The following KATNIP variants were observed in gnomAD, a reference collection of about 807,000 sequenced individuals.
KATNIP encodes katanin interacting protein.
KATNIP carries 126 observed loss-of-function variants against 174.0 expected under a neutral mutation model. The observed-to-expected ratio is 0.72, with a 90% confidence interval of 0.63 to 0.84. The LOEUF is 0.84. Among genes scored for constraint, KATNIP ranks in the 40% least tolerant of loss-of-function variants. The pLI, the probability that KATNIP is intolerant of heterozygous loss-of-function variation, is 0.00. For synonymous variants in KATNIP, 810 were observed against 835.7 expected, an observed-to-expected ratio of 0.97 and a Z score of 0.53; for missense variants, 1,958 against 2,109.7, an observed-to-expected ratio of 0.93 and a Z score of 1.41.
chr16:27,679,353 T>C (rs2078241376), intron 7 of KATNIP, among the ~76,000 whole-genome samples: 1 of 152,194 alleles, frequency 6.6e-6, no homozygotes, highest in Non-Finnish European at 1.5e-5. Context: ...GGAGAAGTTA[T>C]ATTGGATTAG....
intron 6 of KATNIP, among the ~76,000 whole-genome samples, chr16:27,673,822 A>G (rs1471547231): frequency 6.6e-6 from 1 of 152,174 alleles, no homozygotes; most frequent in Non-Finnish European, 1.5e-5. Context: ...AAGTCAGAGG[A>G]GGTAAGTAAC....
At chr16:27,674,142 T>C (rs1045651283) in intron 6 of KATNIP, among the ~76,000 whole-genome samples, 2 of 152,166 alleles carry the variant, frequency 1.3e-5, no homozygotes, top group African/African-American at 4.8e-5. Flanking sequence ...AATTAATTAA[T>C]TTTATTAAAT....
At chr16:27,626,236 A>G (rs1428409592) in intron 3 of KATNIP, among the ~76,000 whole-genome samples, 2 of 136,798 alleles carry the variant, frequency 1.5e-5, no homozygotes, top group Non-Finnish European at 3.1e-5. Flanking sequence ...CCATGTTTCT[A>G]TAGAGTCTTC....
chr16:27,688,377 G>C (rs1302534108), intron 8 of KATNIP, among the ~76,000 whole-genome samples: 1 of 152,184 alleles, frequency 6.6e-6, no homozygotes, highest in Non-Finnish European at 1.5e-5. Context: ...TGGATCTCCT[G>C]AGGTCAGGAG....
intron 1 of KATNIP, among the ~76,000 whole-genome samples, chr16:27,550,898 T>C (rs2089329213): frequency 6.6e-6 from 1 of 152,138 alleles, no homozygotes; most frequent in Admixed American, 6.5e-5. Context: ...GTCCCTTTAT[T>C]CCAGAGGTTG....
intron 2 of KATNIP, among the ~76,000 whole-genome samples, chr16:27,615,974 C>T (rs1413727045): frequency 6.6e-6 from 1 of 152,148 alleles, no homozygotes; most frequent in Non-Finnish European, 1.5e-5. Flanking sequence ...TACAAATGCC[C>T]TACTTGCCAT....
At chr16:27,569,234 A>C (rs564154500) in intron 1 of KATNIP, among the ~76,000 whole-genome samples, 1 of 152,216 alleles carries the variant, frequency 6.6e-6, no homozygotes, top group African/African-American at 2.4e-5. Context: ...ACATCCAAGA[A>C]GATGCGACTC....
At chr16:27,697,977 AT>A (rs1253603461) in intron 8 of KATNIP, among the ~76,000 whole-genome samples, 1 of 152,184 alleles carries the variant, frequency 6.6e-6, no homozygotes, top group Non-Finnish European at 1.5e-5. Flanking sequence ...AAGGGCATTC[AT>A]TTTACATAAC....
intron 13 of KATNIP, among the ~76,000 whole-genome samples, chr16:27,712,732 T>C (rs1256073693): frequency 6.6e-6 from 1 of 152,164 alleles, no homozygotes; most frequent in Non-Finnish European, 1.5e-5. Context: ...CCTGCCCCTC[T>C]GAGTTACTGA....
At chr16:27,624,389 C>G (rs2076275008) in intron 3 of KATNIP, among the ~76,000 whole-genome samples, 1 of 152,130 alleles carries the variant, frequency 6.6e-6, no homozygotes, top group Admixed American at 6.5e-5. Context: ...GCAGGTGATC[C>G]CAAAGGCCAA....
chr16:27,642,192 C>A (rs1296806031), intron 5 of KATNIP, among the ~76,000 whole-genome samples: 1 of 152,180 alleles, frequency 6.6e-6, no homozygotes, highest in Non-Finnish European at 1.5e-5. Context: ...GAATACTATG[C>A]AGCCATAAAA....
intron 2 of KATNIP, among the ~76,000 whole-genome samples, chr16:27,602,374 C>T (rs1050405064): frequency 6.6e-6 from 1 of 152,186 alleles, no homozygotes; most frequent in Non-Finnish European, 1.5e-5. Flanking sequence ...GTCTGTCCCA[C>T]TCCATCTCCT....
At chr16:27,693,946 A>C (rs1237478654) in intron 8 of KATNIP, among the ~76,000 whole-genome samples, 1 of 152,242 alleles carries the variant, frequency 6.6e-6, no homozygotes, top group Admixed American at 6.5e-5. Flanking sequence ...CTAGGAGCAC[A>C]GTCCCATAAG....
chr16:27,592,796 C>T (rs2075219227), intron 2 of KATNIP, among the ~76,000 whole-genome samples: 2 of 152,172 alleles, frequency 1.3e-5, no homozygotes, highest in African/African-American at 4.8e-5. Flanking sequence ...CTCAGGTGAT[C>T]CACCTGCCTC....
intron 14 of KATNIP, among the ~76,000 whole-genome samples, chr16:27,729,558 C>T (rs1406336389): frequency 1.3e-5 from 2 of 152,184 alleles, no homozygotes; most frequent in East Asian, 3.8e-4. Context: ...GAGTCACATG[C>T]TGTTGAATTT....
chr16:27,714,542 G>A (rs2079839162), intron 13 of KATNIP, among the ~76,000 whole-genome samples: 1 of 151,920 alleles, frequency 6.6e-6, no homozygotes, highest in African/African-American at 2.4e-5. Context: ...TTCTTTGAGA[G>A]GATTAACACA....
chr16:27,729,691 C>T (rs2143214068), intron 14 of KATNIP, among the ~76,000 whole-genome samples: 1 of 152,316 alleles, frequency 6.6e-6, no homozygotes, highest in South Asian at 2.1e-4. Flanking sequence ...TCCCACTTGG[C>T]ACACCCAAAC....
At chr16:27,673,960 C>G (rs1490515232) in intron 6 of KATNIP, among the ~76,000 whole-genome samples, 1 of 152,168 alleles carries the variant, frequency 6.6e-6, no homozygotes, top group Non-Finnish European at 1.5e-5. Context: ...CGAGCACCTA[C>G]TATGTGCCAG....
chr16:27,612,066 A>G (rs2075907056), intron 2 of KATNIP, among the ~76,000 whole-genome samples: 1 of 152,108 alleles, frequency 6.6e-6, no homozygotes, highest in African/African-American at 2.4e-5. Context: ...AGGAGTGAGA[A>G]TGGGGCGAGG....
Sources: allele counts gnomAD v4.1 joint callset (sites outside exome capture counted in the v4.1 genomes callset), GRCh38; gene constraint gnomAD v4.1.1; transcripts MANE v1.5; gene names NCBI Gene and HGNC (gene_info 2026-07-23, HGNC 2026-07-21).